SUMO2: variants seen among roughly 807,000 people sequenced by gnomAD.
SUMO2 encodes the protein small ubiquitin-related modifier 2.
In SUMO2, 1 loss-of-function variant was observed where a neutral mutation model predicts 16.0. The ratio of observed to expected loss-of-function variants is 0.06; its 90% CI spans 0.02 to 0.30. SUMO2 has a LOEUF of 0.30. Ranked by LOEUF, SUMO2 falls within the 10% of genes least tolerant of loss-of-function variation. SUMO2 has a pLI of 1.00. For synonymous variants in SUMO2, 36 were observed against 40.6 expected (o/e 0.89, Z 0.43); for missense variants, 16 against 117.5 (o/e 0.14, Z 3.99).
At position 75,166,161 on chromosome 17, in the gene SUMO2, A is replaced by AC. The variant is rs1225002156; in HGVS notation, c.*2177dup. 1 of 151,940 alleles carries AC rather than the reference A, an allele frequency of 6.6e-6. No homozygotes were observed. Among genetic ancestry groups the AC allele is most frequent in the Non-Finnish European group, 1.5e-5 (1 of 68,056 alleles). The allele number at this position is 151,940 out of a possible 1,614,324, so 9.4% of individuals were successfully genotyped here. ...AGACCAAACTGGTCAACATGGTGAG[A>AC]CCCCACCTCTAATTTAAAAATAATA... On this transcript the variant is annotated 3_prime_UTR_variant, in exon 4 of 4. Transcript: ENST00000420826.
At chr17:75,181,218 G>A (rs761342660) in intron 1 of SUMO2, 30 bp from the exon 2 acceptor site, 4 of 1,608,258 alleles carry the variant, frequency 2.5e-6, no homozygotes, top group East Asian at 4.5e-5. Flanking sequence ...AGTATAATTT[G>A]GGAAATGTGA....
In SUMO2 at chr17:75,172,821, A is replaced by G. The variant is rs576800747; in HGVS notation, c.225+1931T>C. Among the ~76,000 whole-genome samples, 8 of 151,750 alleles carry G rather than the reference A, an allele frequency of 5.3e-5. No homozygotes were observed. In the South Asian group the frequency reaches 1.7e-3, roughly 32 times the overall value. ...TTTTTGGCAGACACGGGGTTTCACC[A>G]TATTGTCCAGGCTGGTCTCAAACTC... On this transcript the variant is annotated intron_variant, in intron 3 of 3. Coordinates refer to ENST00000420826, the MANE Select transcript of SUMO2 (RefSeq NM_006937.4).
intron 2 of SUMO2, among the ~76,000 whole-genome samples, chr17:75,180,791 C>T (rs985483140): frequency 6.6e-6 from 1 of 151,726 alleles, no homozygotes; most frequent in Non-Finnish European, 1.5e-5. Flanking sequence ...CATAAAATTA[C>T]ATTTCCTTGG....
intron 2 of SUMO2, among the ~76,000 whole-genome samples, chr17:75,180,681 G>T (rs1020580081): frequency 6.6e-6 from 1 of 151,960 alleles, no homozygotes; most frequent in African/African-American, 2.4e-5. Flanking sequence ...CTGTACTTCA[G>T]CTTGGGCAAC....
rs553077077 is a variant in SUMO2 at position 75,179,002 on chromosome 17, C to T, written c.153+2055G>A. On this transcript the variant is annotated intron_variant, in intron 2 of 3. Transcript: ENST00000420826. The stretch of plus-strand genomic sequence containing the variant: ...ATGAGGTCTTACTATGTTGTCCAGA[C>T]TGGTCTTCCAGCCTTGGCCTCCCAA... 4.8e-4 allele frequency among the ~76,000 whole-genome samples: 73 copies of T among 152,272 alleles called. 1 individual carries two copies. The highest frequency in any genetic ancestry group is 1.7e-3 in the African/African-American group (70 of 41,568).
At chr17:75,178,525 A>G (rs999970053) in intron 2 of SUMO2, among the ~76,000 whole-genome samples, 10 of 151,352 alleles carry the variant, frequency 6.6e-5, no homozygotes, top group African/African-American at 1.7e-4. Flanking sequence ...AAAAAAAAAA[A>G]AAGAAAAGAA....
At chr17:75,182,762 G>A in intron 1 of SUMO2, 52 bp downstream of exon 1, 4 of 1,279,850 alleles carry the variant, frequency 3.1e-6, no homozygotes, top group Middle Eastern at 3.1e-4. Context: ...ACCCCGGCCC[G>A]CGCCATGACC....
At chr17:75,169,921 G>A (rs969687765) in intron 3 of SUMO2, among the ~76,000 whole-genome samples, 4 of 151,082 alleles carry the variant, frequency 2.6e-5, no homozygotes, top group African/African-American at 4.9e-5. Context: ...TTGGGAGGCC[G>A]AGGCAGGCAG....
At chr17:75,178,233 G>A (rs1185061739) in intron 2 of SUMO2, among the ~76,000 whole-genome samples, 1 of 151,424 alleles carries the variant, frequency 6.6e-6, no homozygotes, top group African/African-American at 2.4e-5. Flanking sequence ...TAGTGTTCAA[G>A]GCCAGGCACC....
At chr17:75,179,889 C>T (rs1252575521) in intron 2 of SUMO2, among the ~76,000 whole-genome samples, 2 of 152,070 alleles carry the variant, frequency 1.3e-5, no homozygotes, top group Non-Finnish European at 2.9e-5. Context: ...TCAACTGCCA[C>T]CTGCCTCAGT....
intron 3 of SUMO2, among the ~76,000 whole-genome samples, chr17:75,169,423 G>A (rs577831219): frequency 8.5e-4 from 126 of 148,936 alleles, no homozygotes; most frequent in African/African-American, 3.0e-3. Context: ...TCCCTGTGTC[G>A]CCCAGGCTGG....
intron 3 of SUMO2, among the ~76,000 whole-genome samples, chr17:75,173,476 C>CGTTT (rs745734014): frequency 1.4e-5 from 2 of 141,098 alleles, no homozygotes; most frequent in African/African-American, 2.6e-5. Context: ...GACTGGAAGT[C>CGTTT]ATTTTTTTTT....
intron 2 of SUMO2, among the ~76,000 whole-genome samples, chr17:75,179,228 A>G (rs2074807663): frequency 6.6e-6 from 1 of 151,976 alleles, no homozygotes; most frequent in African/African-American, 2.4e-5. Flanking sequence ...AATTCTTCAA[A>G]TAAGAGTATA....
At chr17:75,172,011 C>CT (rs573705094) in intron 3 of SUMO2, among the ~76,000 whole-genome samples, 4,123 of 139,370 alleles carry the variant, frequency 0.03, 114 homozygotes, top group South Asian at 0.09. Flanking sequence ...ATAATTGCGC[C>CT]TTTTTTTTTT....
chr17:75,179,003 T>C (rs2074805904), intron 2 of SUMO2, among the ~76,000 whole-genome samples: 1 of 152,188 alleles, frequency 6.6e-6, no homozygotes, highest in Non-Finnish European at 1.5e-5. Flanking sequence ...TTGTCCAGAC[T>C]GGTCTTCCAG....
At chr17:75,175,282 C>G (rs1207988643) in intron 2 of SUMO2, among the ~76,000 whole-genome samples, 1 of 151,598 alleles carries the variant, frequency 6.6e-6, no homozygotes, top group Non-Finnish European at 1.5e-5. Context: ...GGTGCCCAGC[C>G]TCTCATTTTC....
chr17:75,170,851 CAAA>C (rs961499902), intron 3 of SUMO2, among the ~76,000 whole-genome samples: 2 of 58,892 alleles, frequency 3.4e-5, no homozygotes, highest in African/African-American at 6.2e-5. Flanking sequence ...CTCCAGGTCT[CAAA>C]AAAAAAAAAA....
chr17:75,175,006 C>G (rs1057029458), intron 2 of SUMO2, among the ~76,000 whole-genome samples, 183 bp from the exon 3 acceptor site: 6 of 151,886 alleles, frequency 4.0e-5, no homozygotes, highest in African/African-American at 1.5e-4. Context: ...TTTTTTGAGA[C>G]AGTTTTGATC....
At chr17:75,171,350 A>G (rs2074737209) in intron 3 of SUMO2, among the ~76,000 whole-genome samples, 1 of 151,866 alleles carries the variant, frequency 6.6e-6, no homozygotes, top group South Asian at 2.1e-4. Flanking sequence ...ATAAACAAAT[A>G]AAATAAAAAC....
Sources: gnomAD v4.1 joint callset for allele counts (sites outside exome capture counted in the v4.1 genomes callset) on GRCh38, gnomAD v4.1.1 for gene constraint, MANE v1.5 for transcripts, NCBI Gene and HGNC (gene_info 2026-07-23, HGNC 2026-07-21) for gene names.